The following GIMAP8 variants were observed in gnomAD, a reference collection of about 807,000 sequenced individuals.
GIMAP8 encodes GTPase, IMAP family member 8.
In GIMAP8, 29 loss-of-function variants were observed where a neutral mutation model predicts 35.6. The ratio of observed to expected loss-of-function variants is 0.81; its 90% confidence interval spans 0.61 to 1.11. The LOEUF is 1.11. GIMAP8 is among the 50% of genes most tolerant of loss of function. GIMAP8 has a pLI of 0.00. For missense variants in GIMAP8, 811 were observed against 805.0 expected, an observed-to-expected ratio of 1.01 and a Z score of -0.09; for synonymous variants, 335 against 308.7, an observed-to-expected ratio of 1.09 and a Z score of -0.89.
chr7:150,452,673 G>GAGATAGAT (rs1554492365), intron 1 of GIMAP8, among the ~76,000 whole-genome samples: 1 of 56,284 alleles, frequency 1.8e-5, no homozygotes, highest in African/African-American at 7.4e-5. Context: ...GTGTGTGTGT[G>GAGATAGAT]AGATATATAT....
At position 150,477,447 on chromosome 7, in the gene GIMAP8, CTT is replaced by C. The variant is rs768280930; in HGVS notation, c.1667_1668del (p.Phe556TyrfsTer28). 2.5e-6 allele frequency: 4 copies of C among 1,613,654 alleles called. No homozygotes were observed. The highest frequency in any genetic ancestry group is 3.3e-4 in the Middle Eastern group (2 of 6,084). ...AACTGGAGGCCATCTTTGGAGCAGA[CTT>C]TACGAAATACGCGATTATGCTGTTC... is the stretch of plus-strand genomic sequence containing the variant. ...AKLEAIFGADFTKYAIMLFTR... is the reference protein window; with the variant it reads ...AKLEAIFGADXTKYAIMLFTR... On this transcript the variant is annotated frameshift_variant, in exon 5 of 5. Transcript: ENST00000307271. LOFTEE classifies it low-confidence loss of function (END_TRUNC).
rs745766446 is a variant in GIMAP8 at position 150,477,516 on chromosome 7, C to T, written c.1734C>T (p.Phe578=). The change falls in exon 5 of 5, where the codon TTC becomes TTT. Residue 578 remains phenylalanine (F), a synonymous_variant. Transcript: ENST00000307271. ...EDLGAGNLED[F]MKNSDNKALR... ...TAGGGGCGGGGAATTTGGAAGACTT[C>T]ATGAAGAACTCAGATAACAAAGCCC... 6.2e-7 allele frequency: 1 copy of T among 1,614,086 alleles called. No individual in the cohort carries two copies. The highest frequency in any genetic ancestry group is 1.1e-5 in the South Asian group (1 of 91,068).
Position 150,453,512 on chromosome 7 carries a change from C to A in GIMAP8, c.-29+2337C>A, listed in dbSNP as rs1368562709. Among the ~76,000 whole-genome samples, 3 of 152,336 alleles carry A rather than the reference C, an allele frequency of 2.0e-5. No individual in the cohort carries two copies. In the East Asian group the frequency reaches 5.8e-4, roughly 29 times the overall value. ...CAGCCTCTCCCCTGAGTGCCACAGACCCCATTTTTTGAAAAGGTATGAACC... is the reference window on the plus strand; with the variant it reads ...CAGCCTCTCCCCTGAGTGCCACAGAACCCATTTTTTGAAAAGGTATGAACC... On this transcript the variant is annotated intron_variant, in intron 1 of 4. Transcript: ENST00000307271.
At position 150,474,250 on chromosome 7, in the gene GIMAP8, A is replaced by T. The variant is rs1370290097; in HGVS notation, c.921A>T (p.Ser307=). The T allele has an allele frequency of 6.2e-7, 1 of 1,614,116 alleles. No homozygotes were observed. The part of the protein sequence containing the change: ...KVSIIDAPDI[S]SLKNIDSEVR... ...CGATCATTGATGCTCCGGACATCTC[A>T]TCTTTAAAGAACATTGACTCAGAAG... Residue 307 remains serine, a synonymous_variant, in exon 4 of 5, where the codon TCA becomes TCT. Coordinates refer to ENST00000307271, the MANE Select transcript of GIMAP8 (RefSeq NM_175571.4).
chr7:150,463,109 T>C (rs550693485), intron 1 of GIMAP8, among the ~76,000 whole-genome samples: 1 of 152,282 alleles, frequency 6.6e-6, no homozygotes, highest in Admixed American at 6.5e-5. Context: ...CTGCTTGATC[T>C]AGTCTATTTT....
intron 2 of GIMAP8, among the ~76,000 whole-genome samples, chr7:150,468,444 G>T (rs1802020820): frequency 1.3e-5 from 2 of 152,160 alleles, no homozygotes; most frequent in Non-Finnish European, 1.5e-5. Context: ...CAGAGGATTT[G>T]GCAAGGGGAA....
intron 1 of GIMAP8, among the ~76,000 whole-genome samples, chr7:150,452,627 G>A (rs867928031): frequency 3.9e-4 from 52 of 131,758 alleles, no homozygotes; most frequent in African/African-American, 1.7e-3. Flanking sequence ...GTATATATGT[G>A]TATATATGTA....
chr7:150,464,399 G>T (rs946978848), intron 1 of GIMAP8, among the ~76,000 whole-genome samples: 1 of 152,186 alleles, frequency 6.6e-6, no homozygotes, highest in African/African-American at 2.4e-5. Context: ...AGGAAATTAT[G>T]GGCTGAACAT....
intron 1 of GIMAP8, among the ~76,000 whole-genome samples, chr7:150,455,573 T>C (rs1801714397): frequency 1.3e-5 from 2 of 152,344 alleles, no homozygotes; most frequent in South Asian, 4.1e-4. Flanking sequence ...ATGGACTATT[T>C]AGTAAATGGT....
rs922729117 is a variant in GIMAP8 at position 150,474,226 on chromosome 7, G to A, written c.897G>A (p.Ser299=). The A allele has an allele frequency of 1.3e-5, 21 of 1,613,986 alleles. No homozygotes were observed. Among genetic ancestry groups the A allele is most frequent in the Middle Eastern group, 3.3e-4 (2 of 6,084 alleles). Residue 299 remains serine (S), a synonymous_variant, in exon 4 of 5, where the codon TCG becomes TCA. Transcript: ENST00000307271. ...GAAGCTGGAGAAAAAAGAAAGTTTC[G>A]ATCATTGATGCTCCGGACATCTCAT... ...ESRSWRKKKV[S]IIDAPDISSL...
chr7:150,477,777 A>G lies in GIMAP8; in HGVS notation c.1995A>G (p.Gln665=). ...KLLKNLIGIL[Q] is the part of the protein sequence containing the mutation. ...TTAAAAATTTAATAGGTATTTTACA[A>G]TAGGTAGCCGAAGTGCCTGGGGTCT... The change falls in exon 5 of 5, where the codon CAA becomes CAG. Residue 665 remains glutamine (Q), a synonymous_variant. Coordinates refer to ENST00000307271, the MANE Select transcript of GIMAP8 (RefSeq NM_175571.4). The G allele has an allele frequency of 6.2e-7, 1 of 1,610,872 alleles. No homozygotes were observed. The highest frequency in any genetic ancestry group is 8.5e-7 in the Non-Finnish European group (1 of 1,178,384).
intron 1 of GIMAP8, among the ~76,000 whole-genome samples, chr7:150,455,940 A>T (rs1352808410): frequency 6.6e-6 from 1 of 152,098 alleles, no homozygotes; most frequent in East Asian, 1.9e-4. Context: ...GCACAGGTTG[A>T]CTTTTTGTTT....
intron 4 of GIMAP8, among the ~76,000 whole-genome samples, chr7:150,476,609 T>C (rs1384225465): frequency 1.3e-5 from 2 of 152,262 alleles, no homozygotes; most frequent in Non-Finnish European, 2.9e-5. Flanking sequence ...AAGTCAATTT[T>C]ACAGAATAAT....
intron 3 of GIMAP8, among the ~76,000 whole-genome samples, chr7:150,473,277 T>C (rs1802135719): frequency 6.6e-6 from 1 of 152,028 alleles, no homozygotes; most frequent in South Asian, 2.1e-4. Flanking sequence ...TTTACAGCAA[T>C]TTATTGAGGT....
intron 1 of GIMAP8, among the ~76,000 whole-genome samples, chr7:150,459,141 G>A (rs1333721108): frequency 6.6e-6 from 1 of 152,194 alleles, no homozygotes; most frequent in Non-Finnish European, 1.5e-5. Context: ...ATTTTCCATT[G>A]ACTTTAATCA....
At chr7:150,475,377 G>A (rs1050574246) in intron 4 of GIMAP8, among the ~76,000 whole-genome samples, 2 of 152,196 alleles carry the variant, frequency 1.3e-5, no homozygotes, top group Admixed American at 6.5e-5. Context: ...TTCTCAAATT[G>A]TACTGAAGTT....
intron 1 of GIMAP8, among the ~76,000 whole-genome samples, chr7:150,456,943 GCA>G (rs147804171): frequency 6.6e-4 from 101 of 152,276 alleles, no homozygotes; most frequent in African/African-American, 2.3e-3. Context: ...ATTAAAAAAT[GCA>G]CAGTGTGCTG....
intron 1 of GIMAP8, among the ~76,000 whole-genome samples, chr7:150,458,685 C>A (rs1026412005): frequency 6.6e-6 from 1 of 152,184 alleles, no homozygotes; most frequent in Non-Finnish European, 1.5e-5. Context: ...ATACAACTGT[C>A]CTGCATACAA....
chr7:150,455,288 A>G (rs983564244), intron 1 of GIMAP8, among the ~76,000 whole-genome samples: 10 of 152,256 alleles, frequency 6.6e-5, no homozygotes, highest in African/African-American at 2.4e-4. Flanking sequence ...AGAAATTGAC[A>G]GCTGATTTTT....
Sources: gnomAD v4.1 joint callset for allele counts (sites outside exome capture counted in the v4.1 genomes callset) on GRCh38, gnomAD v4.1.1 for gene constraint, MANE v1.5 for transcripts, NCBI Gene and HGNC (gene_info 2026-07-23, HGNC 2026-07-21) for gene names.